The following PPP1R17 variants were observed in gnomAD, a reference collection of about 807,000 sequenced individuals.
The protein encoded by PPP1R17 is protein phosphatase 1 regulatory subunit 17.
PPP1R17 carries 12 observed loss-of-function variants against 15.9 expected under a neutral mutation model. The observed-to-expected ratio is 0.75, with a 90% confidence interval of 0.48 to 1.22. The LOEUF (loss-of-function observed/expected upper bound fraction) is 1.22. PPP1R17 is among the 50% of genes most tolerant of loss of function. PPP1R17 has a pLI of 0.00. For missense variants in PPP1R17, 211 were observed against 187.3 expected (o/e 1.13, Z -0.74); for synonymous variants, 63 against 64.5 (o/e 0.98, Z 0.11).
intron 4 of PPP1R17, among the ~76,000 whole-genome samples, chr7:31,702,730 T>C (rs1404005380): frequency 6.6e-6 from 1 of 152,226 alleles, no homozygotes; most frequent in East Asian, 1.9e-4. Context: ...GACTGCCTTA[T>C]GTTTCTGGTA....
At chr7:31,689,257 G>A (rs1231124797) in intron 1 of PPP1R17, among the ~76,000 whole-genome samples, 1 of 152,190 alleles carries the variant, frequency 6.6e-6, no homozygotes, top group East Asian at 1.9e-4. Flanking sequence ...AAGGTCACAA[G>A]TCTTTGTAGT....
chr7:31,692,859 A>G (rs1295714075), intron 2 of PPP1R17, among the ~76,000 whole-genome samples: 1 of 152,230 alleles, frequency 6.6e-6, no homozygotes, highest in Non-Finnish European at 1.5e-5. Flanking sequence ...GCTTGTTTCC[A>G]GTATTTCCTG....
intron 2 of PPP1R17, among the ~76,000 whole-genome samples, chr7:31,693,329 T>G (rs1792437237): frequency 6.6e-6 from 1 of 152,204 alleles, no homozygotes; most frequent in Non-Finnish European, 1.5e-5. Flanking sequence ...CAGTACCCAT[T>G]CAGAGCAGCA....
intron 4 of PPP1R17, among the ~76,000 whole-genome samples, chr7:31,704,066 A>T (rs1792966342): frequency 6.6e-6 from 1 of 152,230 alleles, no homozygotes; most frequent in Admixed American, 6.5e-5. Flanking sequence ...TGGAACCATG[A>T]AAAAGGAATA....
rs556718207 is a variant in PPP1R17, at chr7:31,701,472, G to A, written c.388+4355G>A. 7.9e-5 allele frequency among the ~76,000 whole-genome samples: 12 copies of A among 152,336 alleles called. No homozygotes were observed. The East Asian group carries it at 1.7e-3, about 22-fold the overall frequency. The stretch of plus-strand genomic sequence containing the variant: ...TCTTGAGATGAAATCTACTACTGGC[G>A]AAGATGCTGTGAACATTGTTGAAAT... On this transcript the variant is annotated intron_variant, in intron 4 of 4. Coordinates refer to ENST00000342032, the MANE Select transcript of PPP1R17 (RefSeq NM_006658.5).
chr7:31,706,583 C>T (rs1793079404), intron 4 of PPP1R17, among the ~76,000 whole-genome samples: 1 of 152,158 alleles, frequency 6.6e-6, no homozygotes, highest in African/African-American at 2.4e-5. Context: ...ACAGTACTGA[C>T]ATTGAGAAAT....
intron 4 of PPP1R17, among the ~76,000 whole-genome samples, chr7:31,706,448 G>T (rs1423504515): frequency 1.3e-5 from 2 of 152,080 alleles, no homozygotes; most frequent in Non-Finnish European, 2.9e-5. Flanking sequence ...CCAAAAGAAG[G>T]AAAATAATCT....
intron 4 of PPP1R17, among the ~76,000 whole-genome samples, chr7:31,702,962 GA>G (rs1792917440): frequency 6.6e-6 from 1 of 152,148 alleles, no homozygotes; most frequent in African/African-American, 2.4e-5. Flanking sequence ...ATACGAAATT[GA>G]ACATGGTCTT....
At chr7:31,695,357 C>A in intron 2 of PPP1R17, 112 bp from the exon 3 acceptor site, 1 of 939,154 alleles carries the variant, frequency 1.1e-6, no homozygotes, top group Non-Finnish European at 1.5e-6. Context: ...TTTTCCTTTT[C>A]AGGCCAAATC....
intron 4 of PPP1R17, among the ~76,000 whole-genome samples, chr7:31,699,736 T>A (rs1020882338): frequency 3.9e-5 from 6 of 152,160 alleles, no homozygotes. Context: ...ATGTGTTAAC[T>A]TCATGTCTCT....
chr7:31,698,181 A>G (rs1485758208), intron 4 of PPP1R17, among the ~76,000 whole-genome samples: 2 of 152,180 alleles, frequency 1.3e-5, no homozygotes, highest in African/African-American at 2.4e-5. Flanking sequence ...ATAAAACTAT[A>G]TTTCCCCACT....
At chr7:31,690,873 T>G (rs190262098) in intron 1 of PPP1R17, among the ~76,000 whole-genome samples, 1 of 152,308 alleles carries the variant, frequency 6.6e-6, no homozygotes, top group Admixed American at 6.5e-5. Context: ...GGAATGAATA[T>G]TTTCAACAGA....
chr7:31,690,923 G>A (rs1276064946), intron 1 of PPP1R17, among the ~76,000 whole-genome samples: 1 of 151,980 alleles, frequency 6.6e-6, no homozygotes. Flanking sequence ...TGTATGACTG[G>A]GCCCATGACT....
At chr7:31,695,685 C>A in intron 3 of PPP1R17, 64 bp downstream of exon 3, 2 of 1,482,956 alleles carry the variant, frequency 1.3e-6, no homozygotes, top group South Asian at 1.3e-5. Flanking sequence ...TTGCATTGTT[C>A]GTACACATTT....
chr7:31,699,835 G>C (rs981609248), intron 4 of PPP1R17, among the ~76,000 whole-genome samples: 1 of 151,960 alleles, frequency 6.6e-6, no homozygotes, highest in Non-Finnish European at 1.5e-5. Flanking sequence ...TGTGATCAGT[G>C]ATGTTTGATG....
intron 2 of PPP1R17, among the ~76,000 whole-genome samples, chr7:31,693,869 C>A (rs567040092): frequency 6.6e-6 from 1 of 152,154 alleles, no homozygotes; most frequent in African/African-American, 2.4e-5. Context: ...CTAAAATATC[C>A]AATTACTCTT....
At chr7:31,696,829 A>C (rs1416632600) in intron 3 of PPP1R17, 136 bp from the exon 4 acceptor site, 1 of 951,332 alleles carries the variant, frequency 1.1e-6, no homozygotes, top group Admixed American at 2.9e-5. Flanking sequence ...TCTTATGAAA[A>C]GTCTTGCTTT....
chr7:31,692,858 C>T (rs1041697706), intron 2 of PPP1R17, among the ~76,000 whole-genome samples: 2 of 152,176 alleles, frequency 1.3e-5, no homozygotes, highest in African/African-American at 4.8e-5. Flanking sequence ...AGCTTGTTTC[C>T]AGTATTTCCT....
At chr7:31,706,916 G>A (rs1286669343) in intron 4 of PPP1R17, among the ~76,000 whole-genome samples, 8 of 152,128 alleles carry the variant, frequency 5.3e-5, no homozygotes, top group Admixed American at 2.0e-4. Flanking sequence ...TTTCCATCCC[G>A]CCATGCTGCA....
Sources: allele counts gnomAD v4.1 joint callset (sites outside exome capture counted in the v4.1 genomes callset), GRCh38; gene constraint gnomAD v4.1.1; transcripts MANE v1.5; gene names NCBI Gene and HGNC (gene_info 2026-07-23, HGNC 2026-07-21).